TMEM132D: variants seen among roughly 807,000 people sequenced by gnomAD.
TMEM132D encodes the protein transmembrane protein 132D, also known as mature OL transmembrane protein.
Under a neutral mutation model 62.3 loss-of-function variants are expected in TMEM132D, and 21 were observed. The observed-to-expected ratio is 0.34, with a 90% confidence interval of 0.24 to 0.49. The LOEUF is 0.49. Ranked by LOEUF, TMEM132D falls within the 20% of genes least tolerant of loss-of-function variation. The probability of loss-of-function intolerance (pLI) is 0.99; values close to 1 mark genes in which losing one functional copy is unlikely to be tolerated. For missense variants in TMEM132D, 1,346 were observed against 1,402.8 expected (o/e 0.96, Z 0.65); for synonymous variants, 621 against 575.6 (o/e 1.08, Z -1.13).
At chr12:129,563,624 C>T (rs762684226) in intron 2 of TMEM132D, among the ~76,000 whole-genome samples, 16 of 152,142 alleles carry the variant, frequency 1.1e-4, no homozygotes, top group Non-Finnish European at 2.1e-4. Context: ...CCATATTAAA[C>T]ATCAAAGGTC....
At chr12:129,620,597 T>C (rs1879039000) in intron 2 of TMEM132D, among the ~76,000 whole-genome samples, 1 of 152,120 alleles carries the variant, frequency 6.6e-6, no homozygotes, top group Non-Finnish European at 1.5e-5. Flanking sequence ...AGACCCTGTC[T>C]AAAGAAAATG....
intron 1 of TMEM132D, among the ~76,000 whole-genome samples, chr12:129,709,112 G>A (rs146467525): frequency 6.6e-6 from 1 of 152,092 alleles, no homozygotes; most frequent in Non-Finnish European, 1.5e-5. Flanking sequence ...TTTTTTAATG[G>A]TAATGGACTG....
At chr12:129,547,843 C>A (rs368162227) in intron 2 of TMEM132D, among the ~76,000 whole-genome samples, 1 of 152,174 alleles carries the variant, frequency 6.6e-6, no homozygotes, top group Non-Finnish European at 1.5e-5. Context: ...AGATTAAGTT[C>A]TCTGCAGCAC....
At chr12:129,611,919 C>A (rs1415844517) in intron 2 of TMEM132D, among the ~76,000 whole-genome samples, 3 of 152,122 alleles carry the variant, frequency 2.0e-5, no homozygotes, top group African/African-American at 7.2e-5. Flanking sequence ...ATTCTGTTCC[C>A]ACTAAGAGAA....
At chr12:129,178,001 T>C (rs1213879385) in intron 5 of TMEM132D, among the ~76,000 whole-genome samples, 1 of 152,146 alleles carries the variant, frequency 6.6e-6, no homozygotes, top group Non-Finnish European at 1.5e-5. Flanking sequence ...CAGCTCCCAC[T>C]CATAAGCGAG....
At position 129,759,568 on chromosome 12, in the gene TMEM132D, G is replaced by A. The variant is rs181498495; in HGVS notation, c.80-58870C>T. ...TCTGTAAAAGAGAGTTTATTCCAAC[G>A]CCTTGCTCATTACATGAGAGAGTAG... On this transcript the variant is annotated intron_variant, in intron 1 of 8. Transcript: ENST00000422113. Among the ~76,000 whole-genome samples, 92 of 152,302 alleles carry A rather than the reference G, an allele frequency of 6.0e-4. No individual in the cohort carries two copies. In the East Asian group the frequency reaches 0.017, roughly 28 times the overall value.
chr12:129,121,508 A>G (rs1048253739), intron 5 of TMEM132D, among the ~76,000 whole-genome samples: 2 of 152,210 alleles, frequency 1.3e-5, no homozygotes, highest in Non-Finnish European at 2.9e-5. Flanking sequence ...GAAGATACGA[A>G]GATGGATGCA....
chr12:129,421,056 G>C (rs979574040), intron 3 of TMEM132D, among the ~76,000 whole-genome samples: 68 of 151,092 alleles, frequency 4.5e-4, no homozygotes, highest in African/African-American at 1.6e-3. Context: ...CTGCCTCCCG[G>C]GTTCAAGAGA....
At chr12:129,481,463 C>CAA (rs60589482) in intron 3 of TMEM132D, among the ~76,000 whole-genome samples, 2 of 103,052 alleles carry the variant, frequency 1.9e-5, no homozygotes, top group African/African-American at 3.1e-5. Context: ...ACCCTGTCTC[C>CAA]AAAAAAAAAA....
intron 2 of TMEM132D, among the ~76,000 whole-genome samples, chr12:129,695,385 T>G (rs1881181403): frequency 2.6e-5 from 4 of 152,214 alleles, no homozygotes. Flanking sequence ...ATGGGAACAC[T>G]GCAATAAGTT....
In TMEM132D at chr12:129,429,380, T is replaced by TTTGC. The variant is rs1872588052; in HGVS notation, c.1116-91564_1116-91563insGCAA. 7.9e-5 allele frequency among the ~76,000 whole-genome samples: 12 copies of TTTGC among 152,192 alleles called. No individual in the cohort carries two copies. In the South Asian group the frequency reaches 2.5e-3, roughly 32 times the overall value. ...TGCTTTATAGTTTTTTGTTTGTTTGTTTGTTTGTTTGTCATTGGTGTTGAA... is the reference window on the plus strand; with the variant it reads ...TGCTTTATAGTTTTTTGTTTGTTTGTTTGCTTGTTTGTTTGTCATTGGTGTTGAA... On this transcript the variant is annotated intron_variant, in intron 3 of 8. Coordinates refer to ENST00000422113, the MANE Select transcript of TMEM132D (RefSeq NM_133448.3).
At chr12:129,536,356 C>G (rs1185198991) in intron 2 of TMEM132D, among the ~76,000 whole-genome samples, 1 of 152,138 alleles carries the variant, frequency 6.6e-6, no homozygotes, top group East Asian at 1.9e-4. Flanking sequence ...TTGAATTGCT[C>G]TTTGTCTCCA....
intron 1 of TMEM132D, among the ~76,000 whole-genome samples, chr12:129,758,515 CA>C (rs1343491443): frequency 6.6e-6 from 1 of 152,174 alleles, no homozygotes; most frequent in Non-Finnish European, 1.5e-5. Flanking sequence ...CATGAGAAGT[CA>C]CACCTGTTTT....
chr12:129,458,486 T>G (rs1174202993), intron 3 of TMEM132D, among the ~76,000 whole-genome samples: 1 of 152,002 alleles, frequency 6.6e-6, no homozygotes, highest in African/African-American at 2.4e-5. Flanking sequence ...GATTTGCTGC[T>G]TTTTCTAAGA....
intron 5 of TMEM132D, among the ~76,000 whole-genome samples, chr12:129,116,996 G>A (rs1329913570): frequency 6.8e-6 from 1 of 146,776 alleles, no homozygotes; most frequent in East Asian, 2.0e-4. Context: ...GCCAAAAATT[G>A]GAAGCAACCA....
At chr12:129,226,335 T>C (rs1326710574) in intron 4 of TMEM132D, among the ~76,000 whole-genome samples, 1 of 152,270 alleles carries the variant, frequency 6.6e-6, no homozygotes, top group Non-Finnish European at 1.5e-5. Flanking sequence ...GGCATGGGCC[T>C]TGAGCATCTC....
chr12:129,172,984 T>C (rs1877780588), intron 5 of TMEM132D, among the ~76,000 whole-genome samples: 1 of 152,154 alleles, frequency 6.6e-6, no homozygotes, highest in African/African-American at 2.4e-5. Context: ...ACAACATTTA[T>C]TAAGTTTGCC....
intron 1 of TMEM132D, among the ~76,000 whole-genome samples, chr12:129,795,976 C>A (rs1425174113): frequency 6.6e-6 from 1 of 151,780 alleles, no homozygotes; most frequent in African/African-American, 2.4e-5. Flanking sequence ...ATATTTTTTC[C>A]TTTTTTCCCA....
At chr12:129,687,487 G>A (rs897064933) in intron 2 of TMEM132D, among the ~76,000 whole-genome samples, 2 of 150,998 alleles carry the variant, frequency 1.3e-5, no homozygotes, top group Non-Finnish European at 3.0e-5. Flanking sequence ...ATCTTGGTGG[G>A]AGGGTGAATG....
Sources: allele counts gnomAD v4.1 joint callset (sites outside exome capture counted in the v4.1 genomes callset), GRCh38; gene constraint gnomAD v4.1.1; transcripts MANE v1.5; gene names NCBI Gene and HGNC (gene_info 2026-07-23, HGNC 2026-07-21).